The following GRIP2 variants were observed in gnomAD, a reference collection of about 807,000 sequenced individuals.
GRIP2 encodes the protein glutamate receptor interacting protein 2, also known as glutamate receptor-interacting protein 2.
In GRIP2, 58 loss-of-function variants were observed where a neutral mutation model predicts 108.3. The ratio of observed to expected loss-of-function variants is 0.54; its 90% CI spans 0.43 to 0.67. GRIP2 has a LOEUF of 0.67. GRIP2 is among the 30% of genes least tolerant of loss of function. The pLI is 0.00. For synonymous variants in GRIP2, 586 were observed against 598.2 expected (o/e 0.98, Z 0.30); for missense variants, 1,278 against 1,430.6 (o/e 0.89, Z 1.72).
chr3:14,602,713 C>G, the GRIP2 span, among the ~76,000 whole-genome samples: 1 of 151,962 alleles, frequency 6.6e-6, no homozygotes, highest in Non-Finnish European at 1.5e-5. This position sits in a 1 kb window ranked among gnomAD's most constrained non-coding sequence, Gnocchi z 4.7. Context: ...CGGGACCAGG[C>G]TCCGCTCCGC....
In GRIP2 at chr3:14,516,952, C is replaced by T. The variant is rs111893013; in HGVS notation, c.1306+112G>A. The stretch of plus-strand genomic sequence containing the variant: ...ATGTTATTTAACATTCCCACGCATA[C>T]ACCTGGAGCTCTGCCCAAAATACCT... On this transcript the variant is annotated intron_variant, in intron 11 of 23. Transcript: ENST00000621039. The T allele has an allele frequency of 7.5e-4, 786 of 1,049,428 alleles. 4 individuals are homozygous for T. In the African/African-American group the frequency reaches 0.011, roughly 15 times the overall value. 65.0% of individuals were successfully genotyped at this position (1,049,428 alleles called of 1,614,324 possible).
the GRIP2 span, among the ~76,000 whole-genome samples, chr3:14,588,419 A>G: frequency 6.6e-6 from 1 of 151,990 alleles, no homozygotes; most frequent in Non-Finnish European, 1.5e-5. Flanking sequence ...AGCCAAACTG[A>G]GTGGTCTCTG....
intron 1 of GRIP2, among the ~76,000 whole-genome samples, chr3:14,538,590 G>T (rs1559351599): frequency 6.6e-6 from 1 of 152,218 alleles, no homozygotes; most frequent in Non-Finnish European, 1.5e-5. Flanking sequence ...CTTTTTGGAA[G>T]AAGAGCCTTG....
chr3:14,503,673 T>A lies in GRIP2; in HGVS notation c.2574-2A>T, dbSNP rs776080524. 1 of 1,590,580 alleles carries A rather than the reference T, an allele frequency of 6.3e-7. No individual in the cohort carries two copies. Among genetic ancestry groups the A allele is most frequent in the South Asian group, 1.1e-5 (1 of 88,278 alleles). On this transcript the variant is annotated splice_acceptor_variant, in intron 20 of 23. Transcript: ENST00000621039. LOFTEE classifies it high-confidence loss of function. ...TCTCGGGCAGGGCCAGGGGCTGGGC[T>A]GTAACGTAGGAACCAGAGAGCGTCA... is the stretch of plus-strand genomic sequence containing the variant.
the GRIP2 span, among the ~76,000 whole-genome samples, chr3:14,564,141 G>A: frequency 6.6e-6 from 1 of 152,186 alleles, no homozygotes; most frequent in Non-Finnish European, 1.5e-5. Flanking sequence ...TTTCAGTATG[G>A]GCTAGGGCGG....
At chr3:14,598,581 A>G in the GRIP2 span, among the ~76,000 whole-genome samples, 3 of 151,760 alleles carry the variant, frequency 2.0e-5, no homozygotes. Context: ...TACCATCTCT[A>G]TCACCCAAAA....
upstream of GRIP2, among the ~76,000 whole-genome samples, chr3:14,542,490 TA>T (rs57426824): frequency 2.0e-5 from 3 of 149,774 alleles, no homozygotes; most frequent in African/African-American, 7.3e-5. Flanking sequence ...CTCCTTCTCT[TA>T]AAAAAAATTT....
At chr3:14,540,684 A>G (rs1694950482), upstream of GRIP2, among the ~76,000 whole-genome samples, 5 of 151,974 alleles carry the variant, frequency 3.3e-5, no homozygotes, top group South Asian at 1.0e-3. The surrounding 1 kb of genome is among the most constrained non-coding windows in gnomAD (Gnocchi z 4.1). Context: ...GAGACAGGGA[A>G]CAGTGCTTTC....
chr3:14,566,389 C>T, the GRIP2 span, among the ~76,000 whole-genome samples: 1 of 152,252 alleles, frequency 6.6e-6, no homozygotes, highest in East Asian at 1.9e-4. Context: ...ACCCTGGAGC[C>T]ACAGAATGTT....
In GRIP2 at chr3:14,511,442, G is replaced by A. The variant is rs781731868; in HGVS notation, c.1758C>T (p.Ser586=). Residue 586 remains serine, a synonymous_variant, in exon 15 of 24, where the codon TCC becomes TCT. Transcript: ENST00000621039. The surrounding 1 kb of genome is among the most constrained non-coding windows in gnomAD (Gnocchi z 4.1). ...GTGCCACGCTGCCTTTCTTGATGTC[G>A]GAGATGATCAAGGGCTCCCCTCGTT... ...SRKRGEPLII[S]DIKKGSVAHR... 1.5e-5 allele frequency: 25 copies of A among 1,613,850 alleles called. No homozygotes were observed. The highest frequency in any genetic ancestry group is 2.7e-5 in the African/African-American group (2 of 75,008).
chr3:14,524,286 C>T, intron 4 of GRIP2, 107 bp downstream of exon 4: 3 of 1,319,490 alleles, frequency 2.3e-6, no homozygotes, highest in South Asian at 1.4e-5. Flanking sequence ...CCAGGTTCTA[C>T]CCACTCCATC....
At chr3:14,601,703 C>T in the GRIP2 span, among the ~76,000 whole-genome samples, 3 of 152,170 alleles carry the variant, frequency 2.0e-5, no homozygotes, top group Non-Finnish European at 4.4e-5. Context: ...CCTACTTGGC[C>T]CTGGGACAGG....
At chr3:14,580,058 G>A in the GRIP2 span, among the ~76,000 whole-genome samples, 10 of 152,326 alleles carry the variant, frequency 6.6e-5, no homozygotes, top group Admixed American at 2.0e-4. Context: ...CTAAGTCACC[G>A]CATGCCAGGG....
chr3:14,517,722 C>G (rs1319884758), intron 10 of GRIP2, 50 bp downstream of exon 10: 24 of 1,600,948 alleles, frequency 1.5e-5, no homozygotes, highest in Non-Finnish European at 2.0e-5. Flanking sequence ...CGCCCCCTCC[C>G]TAGGAAAGGC....
At chr3:14,494,225 A>T (rs1416913366) in intron 23 of GRIP2, among the ~76,000 whole-genome samples, 1 of 152,224 alleles carries the variant, frequency 6.6e-6, no homozygotes, top group African/African-American at 2.4e-5. Flanking sequence ...TTCACTCCTA[A>T]TGGAGACAAA....
At chr3:14,539,616 A>G (rs897689508) in intron 1 of GRIP2, among the ~76,000 whole-genome samples, 5 of 152,184 alleles carry the variant, frequency 3.3e-5, no homozygotes, top group Admixed American at 3.3e-4. Flanking sequence ...CCAGGCCCCA[A>G]GCTCCCTCTT....
chr3:14,512,735 G>T lies in GRIP2; in HGVS notation c.1720+42C>A, dbSNP rs1694132886. 1.9e-6 allele frequency: 3 copies of T among 1,578,948 alleles called. No individual in the cohort carries two copies. In the East Asian group the frequency reaches 6.7e-5, roughly 35 times the overall value. On this transcript the variant is annotated intron_variant, in intron 14 of 23. Coordinates refer to ENST00000621039, the MANE Select transcript of GRIP2 (RefSeq NM_001080423.4). The surrounding 1 kb of genome is among the most constrained non-coding windows in gnomAD (Gnocchi z 5.1). ...GGCAAGCTCTTTTTCCCCAGCAGTTGAGCTCGCTCCCAGGGGCAAACAGCA... is the reference window on the plus strand; with the variant it reads ...GGCAAGCTCTTTTTCCCCAGCAGTTTAGCTCGCTCCCAGGGGCAAACAGCA...
At chr3:14,503,430 AG>A (rs1173078546) in intron 21 of GRIP2, 135 bp downstream of exon 21, 2 of 632,874 alleles carry the variant, frequency 3.2e-6, no homozygotes, top group African/African-American at 3.7e-5. Flanking sequence ...CTTTTCCCAC[AG>A]GGTGCCCAGG....
At chr3:14,540,437 A>C (rs1267059068), upstream of GRIP2, 1 of 1,588,590 alleles carries the variant, frequency 6.3e-7, no homozygotes, top group Non-Finnish European at 8.6e-7. This position sits in a 1 kb window ranked among gnomAD's most constrained non-coding sequence, Gnocchi z 4.1. Context: ...CACCGAGTCC[A>C]CCCACTGCAG....
Sources: allele counts gnomAD v4.1 joint callset (sites outside exome capture counted in the v4.1 genomes callset), GRCh38; gene constraint gnomAD v4.1.1; non-coding constraint Gnocchi (gnomAD v3.1); transcripts MANE v1.5; gene names NCBI Gene and HGNC (gene_info 2026-07-23, HGNC 2026-07-21).